COL4A6: variants seen among roughly 807,000 people sequenced by gnomAD.
COL4A6 encodes the protein collagen alpha-6(IV) chain.
In COL4A6, 59 loss-of-function variants were observed where a neutral mutation model predicts 126.7. That is an observed-to-expected ratio of 0.47 (90% CI 0.38 to 0.58). The LOEUF (loss-of-function observed/expected upper bound fraction) is 0.58, where lower values mean the gene tolerates loss of function less well. COL4A6 is among the 20% of genes least tolerant of loss of function. The probability of loss-of-function intolerance (pLI) is 0.00; values close to 1 mark genes in which losing one functional copy is unlikely to be tolerated. For synonymous variants in COL4A6, 547 were observed against 496.6 expected (o/e 1.10, Z -1.35); for missense variants, 1,285 against 1,337.3 (o/e 0.96, Z 0.61).
intron 2 of COL4A6, among the ~76,000 whole-genome samples, chrX:108,313,752 A>C (rs768284452): frequency 8.9e-6 from 1 of 112,357 alleles, no homozygotes; most frequent in South Asian, 3.7e-4. Context: ...AAGCTCATAC[A>C]TGGCTATATT....
At chrX:108,222,973 C>A (rs1014068155) in intron 3 of COL4A6, among the ~76,000 whole-genome samples, 1 of 111,305 alleles carries the variant, frequency 9.0e-6, no homozygotes, top group Non-Finnish European at 1.9e-5. Flanking sequence ...AGTAGGAGGT[C>A]GAAAGCATGG....
chrX:108,198,184 A>G (rs1308128575), intron 13 of COL4A6, among the ~76,000 whole-genome samples: 3 of 111,759 alleles, frequency 2.7e-5, no homozygotes, highest in Non-Finnish European at 3.8e-5. Flanking sequence ...TCCAAGGCCC[A>G]TTACTACAGT....
chrX:108,169,953 C>T lies in COL4A6; in HGVS notation c.3557G>A (p.Gly1186Asp). The T allele has an allele frequency of 8.4e-7, 1 of 1,185,996 alleles. No homozygotes were observed. Among genetic ancestry groups the T allele is most frequent in the Non-Finnish European group, 1.1e-6 (1 of 880,660 alleles). The change falls in exon 36 of 45, where the codon GGC (glycine) becomes GAC (aspartate). Residue 1186 changes from glycine to aspartate, a missense_variant. Coordinates refer to ENST00000334504, the MANE Select transcript of COL4A6 (RefSeq NM_033641.4). ...CTGAGGGTCTTCCTAACCTGGAGTG[C>T]CATGGGTACCCTTGGTGCCCGGAAG... ...NGLPGTKGTH[G>D]TPGPSITGVP... is the part of the protein sequence containing the mutation.
intron 3 of COL4A6, among the ~76,000 whole-genome samples, chrX:108,243,578 A>G (rs1250976951): frequency 1.8e-5 from 2 of 111,979 alleles, no homozygotes; most frequent in Non-Finnish European, 3.8e-5. Flanking sequence ...TCTGTTGTTT[A>G]AGCCACCTAG....
chrX:108,421,723 G>A (rs951768111), intron 2 of COL4A6, among the ~76,000 whole-genome samples: 5 of 111,456 alleles, frequency 4.5e-5, no homozygotes, highest in Admixed American at 9.5e-5. Context: ...CATACAATTT[G>A]AGGGTGCTCA....
At chrX:108,199,724 G>A (rs963796413) in intron 13 of COL4A6, among the ~76,000 whole-genome samples, 1 of 111,446 alleles carries the variant, frequency 9.0e-6, no homozygotes, top group Non-Finnish European at 1.9e-5. Flanking sequence ...AATACTCTGG[G>A]TTCGGATGTG....
At chrX:108,303,568 G>A (rs1007960153) in intron 3 of COL4A6, among the ~76,000 whole-genome samples, 3 of 111,956 alleles carry the variant, frequency 2.7e-5, no homozygotes, top group Non-Finnish European at 5.6e-5. Context: ...CATCAGAGAG[G>A]CACATGAGAT....
chrX:108,158,467 T>C (rs2033809530), intron 44 of COL4A6, among the ~76,000 whole-genome samples: 1 of 112,218 alleles, frequency 8.9e-6, no homozygotes, highest in African/African-American at 3.2e-5. Context: ...AGCCCTCCCA[T>C]AAGCAGGGCA....
chrX:108,386,673 A>G (rs184578288), intron 2 of COL4A6, among the ~76,000 whole-genome samples: 196 of 111,435 alleles, frequency 1.8e-3, no homozygotes, highest in African/African-American at 6.2e-3. Context: ...GTTGCCTGGT[A>G]ACTGTGATGA....
At chrX:108,328,049 T>C (rs1426654380) in intron 2 of COL4A6, among the ~76,000 whole-genome samples, 3 of 111,685 alleles carry the variant, frequency 2.7e-5, no homozygotes, top group African/African-American at 6.5e-5. Context: ...TTTAAATTTG[T>C]TAAAAAAAGG....
At chrX:108,381,062 C>T (rs2040549618) in intron 2 of COL4A6, among the ~76,000 whole-genome samples, 1 of 111,924 alleles carries the variant, frequency 8.9e-6, no homozygotes, top group Non-Finnish European at 1.9e-5. Context: ...TAAAAATTCC[C>T]AGTTCGTCAC....
chrX:108,407,397 T>G (rs1300582598), intron 2 of COL4A6, among the ~76,000 whole-genome samples: 2 of 111,895 alleles, frequency 1.8e-5, no homozygotes, highest in Non-Finnish European at 3.8e-5. Context: ...TTGGAGAAAA[T>G]GTAGAGGAAG....
intron 2 of COL4A6, among the ~76,000 whole-genome samples, chrX:108,412,426 T>G (rs1330491146): frequency 9.0e-6 from 1 of 111,706 alleles, no homozygotes; most frequent in Non-Finnish European, 1.9e-5. Flanking sequence ...AAGTCTAAAC[T>G]TATTGTGCAA....
At chrX:108,255,100 T>TC (rs2036959980) in intron 3 of COL4A6, among the ~76,000 whole-genome samples, 1 of 101,716 alleles carries the variant, frequency 9.8e-6, no homozygotes, top group Non-Finnish European at 2.0e-5. Flanking sequence ...TTAAGAAGGC[T>TC]CTACCCATCT....
rs180764770 is a variant in COL4A6, at chrX:108,163,282, G to A, written c.4070-244C>T. ...GTCATATTCATCCTGTCTCCTCAGG[G>A]CCCAGCATTGTGCCCAGTGGGTGAC... On this transcript the variant is annotated intron_variant, in intron 40 of 44. Transcript: ENST00000334504. 4.8e-5 allele frequency: 16 copies of A among 330,499 alleles called. No individual in the cohort carries two copies. The East Asian group carries it at 7.5e-4, about 15-fold the overall frequency. The allele number at this position is 330,499 out of a possible 1,213,427, so 27.2% of individuals were successfully genotyped here. A position where few individuals can be genotyped will look rare whatever the true frequency, so the allele number is the denominator to read the frequency against.
intron 3 of COL4A6, among the ~76,000 whole-genome samples, chrX:108,228,473 G>C (rs2036226997): frequency 1.8e-5 from 2 of 112,359 alleles, no homozygotes; most frequent in African/African-American, 6.5e-5. Flanking sequence ...ATGCCCTCAA[G>C]GAACATTTAA....
At chrX:108,221,506 A>C in intron 3 of COL4A6, 132 bp from the exon 4 acceptor site, 1 of 693,710 alleles carries the variant, frequency 1.4e-6, no homozygotes, top group Non-Finnish European at 2.1e-6. Context: ...GAGGCACGCC[A>C]AAGTTCCAGA....
intron 2 of COL4A6, among the ~76,000 whole-genome samples, chrX:108,431,193 T>C (rs984684449): frequency 8.9e-6 from 1 of 112,044 alleles, no homozygotes; most frequent in Non-Finnish European, 1.9e-5. Context: ...GCATACTATC[T>C]GGAATATAGC....
chrX:108,212,871 GTATT>G lies in COL4A6; in HGVS notation c.442-1135_442-1132del, dbSNP rs1386216907. Reference sequence around the variant, plus strand: ...TTTTTCCTTTGTCCTTTGTCAATGGGTATTTATTACCTCAACATTTATTTTCTCC... The same window carrying G: ...TTTTTCCTTTGTCCTTTGTCAATGGGTATTACCTCAACATTTATTTTCTCC... On this transcript the variant is annotated intron_variant, in intron 6 of 44. Transcript: ENST00000334504. Among the ~76,000 whole-genome samples the G allele has an allele frequency of 1.1e-4, 12 of 111,772 alleles. No homozygotes were observed. The East Asian group carries it at 3.4e-3, about 31-fold the overall frequency.
Sources: allele counts gnomAD v4.1 joint callset (sites outside exome capture counted in the v4.1 genomes callset), GRCh38; gene constraint gnomAD v4.1.1; transcripts MANE v1.5; gene names NCBI Gene and HGNC (gene_info 2026-07-23, HGNC 2026-07-21).